Variants in CTNNA2 observed in about 807,000 individuals in gnomAD.
CTNNA2 encodes catenin alpha 2.
Under a neutral mutation model 101.0 loss-of-function variants are expected in CTNNA2, and 42 were observed. That is an observed-to-expected ratio of 0.42 (90% confidence interval 0.32 to 0.54). The LOEUF is 0.54. CTNNA2 is among the 20% of genes least tolerant of loss of function. The pLI is 0.14. For synonymous variants in CTNNA2, 450 were observed against 456.4 expected, an observed-to-expected ratio of 0.99 and a Z score of 0.18; for missense variants, 871 against 1,223.1, an observed-to-expected ratio of 0.71 and a Z score of 4.29.
At chr2:79,595,970 A>G (rs1475324930) in intron 1 of CTNNA2, among the ~76,000 whole-genome samples, 2 of 149,646 alleles carry the variant, frequency 1.3e-5, no homozygotes, top group African/African-American at 4.9e-5. Context: ...GCCATGTGAT[A>G]CTCTTCTCTT....
chr2:79,236,844 C>G (rs1674564257), intron 2 of CTNNA2, among the ~76,000 whole-genome samples: 1 of 152,216 alleles, frequency 6.6e-6, no homozygotes, highest in Non-Finnish European at 1.5e-5. Flanking sequence ...CTTCAGGCTC[C>G]ATTTTTAATT....
At chr2:80,309,785 C>G (rs1677372245) in intron 7 of CTNNA2, among the ~76,000 whole-genome samples, 1 of 151,556 alleles carries the variant, frequency 6.6e-6, no homozygotes, top group Non-Finnish European at 1.5e-5. Flanking sequence ...ACCTCCTTCT[C>G]CCGGGTTCAA....
chr2:79,473,199 C>A (rs922238480), intron 4 of CTNNA2, among the ~76,000 whole-genome samples: 6 of 152,170 alleles, frequency 3.9e-5, no homozygotes, highest in Non-Finnish European at 8.8e-5. Context: ...CTTTTTATAA[C>A]AATCTAAGCT....
intron 17 of CTNNA2, 66 bp from the exon 18 acceptor site, chr2:80,619,019 G>T (rs148657636): frequency 2.5e-5 from 25 of 1,018,952 alleles, no homozygotes; most frequent in Non-Finnish European, 3.3e-5. Context: ...CCCAAGTAGG[G>T]TACTTTTTTT....
rs931962858 is a variant in CTNNA2, at chr2:79,913,939, G to A, written c.1056+4142G>A. ...TCCCAGCACTTTGGGAGGCCGAGGC[G>A]GGCGGATCACGAGGTCAGGAGATCG... On this transcript the variant is annotated intron_variant, in intron 7 of 18. Coordinates refer to ENST00000402739, the MANE Select transcript of CTNNA2 (RefSeq NM_001282597.3). Among the ~76,000 whole-genome samples, 17 of 130,122 alleles carry A rather than the reference G, an allele frequency of 1.3e-4. No homozygotes were observed. In the East Asian group the frequency reaches 2.7e-3, roughly 21 times the overall value. 85.4% of individuals were successfully genotyped at this position (130,122 alleles called of 152,430 possible). A position where few individuals can be genotyped will look rare whatever the true frequency, so the allele number is the denominator to read the frequency against.
intron 4 of CTNNA2, among the ~76,000 whole-genome samples, chr2:79,445,877 TAAAAA>T (rs5832390): frequency 0.036 from 5,484 of 152,240 alleles, 125 homozygotes; most frequent in Non-Finnish European, 0.051. Context: ...TCATGAATAA[TAAAAA>T]ATAAAACAAG....
chr2:80,316,732 A>G (rs1263903940), intron 7 of CTNNA2, among the ~76,000 whole-genome samples: 1 of 152,178 alleles, frequency 6.6e-6, no homozygotes, highest in Non-Finnish European at 1.5e-5. Context: ...TCTTTTAACT[A>G]TATATGCTTT....
At chr2:79,199,718 G>A (rs187554474) in intron 2 of CTNNA2, among the ~76,000 whole-genome samples, 208 of 152,212 alleles carry the variant, frequency 1.4e-3, no homozygotes, top group African/African-American at 4.8e-3. Flanking sequence ...TGGAGTCTGG[G>A]TAGTCCAAGA....
chr2:80,462,777 G>T (rs913953439), intron 9 of CTNNA2, among the ~76,000 whole-genome samples: 1 of 151,568 alleles, frequency 6.6e-6, no homozygotes, highest in Non-Finnish European at 1.5e-5. Flanking sequence ...ATTAGTCTAC[G>T]CACTCTTTGG....
chr2:80,441,130 A>G (rs1008404457), intron 9 of CTNNA2, among the ~76,000 whole-genome samples: 2 of 152,212 alleles, frequency 1.3e-5, no homozygotes, highest in Non-Finnish European at 2.9e-5. Context: ...AATTACGTTC[A>G]AGTACTTGTG....
At chr2:80,063,794 C>T (rs1422072500) in intron 7 of CTNNA2, among the ~76,000 whole-genome samples, 1 of 152,208 alleles carries the variant, frequency 6.6e-6, no homozygotes, top group Admixed American at 6.5e-5. Context: ...ATATTTGTAA[C>T]ACCTGCTGTT....
chr2:79,980,695 G>T (rs565966727), intron 7 of CTNNA2, among the ~76,000 whole-genome samples: 1 of 151,936 alleles, frequency 6.6e-6, no homozygotes, highest in Admixed American at 6.6e-5. Flanking sequence ...TGTCTTACAC[G>T]CATCATATGC....
intron 4 of CTNNA2, among the ~76,000 whole-genome samples, chr2:79,476,667 T>C (rs1207832823): frequency 6.6e-6 from 1 of 152,192 alleles, no homozygotes; most frequent in Non-Finnish European, 1.5e-5. Flanking sequence ...GATCTTAGCA[T>C]CTTCTGAGAT....
chr2:79,354,187 G>A (rs1465198632), intron 3 of CTNNA2, among the ~76,000 whole-genome samples: 1 of 152,006 alleles, frequency 6.6e-6, no homozygotes, highest in Non-Finnish European at 1.5e-5. Context: ...TCTCACAAGG[G>A]TTCTCCGAAT....
chr2:79,858,091 C>T lies in CTNNA2; in HGVS notation c.377C>T (p.Ala126Val), dbSNP rs368392741. Reference sequence around the variant, plus strand: ...GTAAAGCGCGGCACCATGGTACGGGCGGCAAGGGCTTTGCTCTCCGCGGTG... The same window carrying T: ...GTAAAGCGCGGCACCATGGTACGGGTGGCAAGGGCTTTGCTCTCCGCGGTG... ...SSVKRGTMVR[A>V]ARALLSAVTR... Residue 126 changes from alanine to valine, a missense_variant, in exon 4 of 19, where the codon GCG becomes GTG. Physicochemically the swap from Ala to Val is moderately conservative, Grantham distance 64. Transcript: ENST00000402739. The T allele has an allele frequency of 1.7e-5, 27 of 1,614,002 alleles. No individual in the cohort carries two copies. The highest frequency in any genetic ancestry group is 1.9e-5 in the Non-Finnish European group (23 of 1,179,998).
intron 2 of CTNNA2, chr2:79,697,727 T>C (rs1684733414): frequency 6.6e-6 from 1 of 152,060 alleles, no homozygotes. Context: ...CCTTTCGTTC[T>C]TCCAGAGTCT....
intron 7 of CTNNA2, among the ~76,000 whole-genome samples, chr2:80,058,728 T>C (rs1045850788): frequency 1.8e-4 from 28 of 152,074 alleles, no homozygotes; most frequent in African/African-American, 5.1e-4. Context: ...ATCTTCCAAC[T>C]CAACTCTTTC....
chr2:79,979,450 G>A (rs1691104091), intron 7 of CTNNA2, among the ~76,000 whole-genome samples: 1 of 152,062 alleles, frequency 6.6e-6, no homozygotes, highest in African/African-American at 2.4e-5. Flanking sequence ...CATCATTTCG[G>A]TGTCCCAGCA....
chr2:80,410,477 C>T (rs1277785532), intron 8 of CTNNA2, among the ~76,000 whole-genome samples: 7 of 152,194 alleles, frequency 4.6e-5, no homozygotes, highest in African/African-American at 9.7e-5. Context: ...GTCACACATA[C>T]GTTTAAACCA....
Sources: allele counts gnomAD v4.1 joint callset (sites outside exome capture counted in the v4.1 genomes callset), GRCh38; gene constraint gnomAD v4.1.1; transcripts MANE v1.5; gene names NCBI Gene and HGNC (gene_info 2026-07-23, HGNC 2026-07-21).